Variants in ABCG8 observed in about 807,000 individuals in gnomAD.
The protein encoded by ABCG8 is ATP binding cassette subfamily G member 8.
ABCG8 carries 81 observed loss-of-function variants against 71.3 expected under a neutral mutation model. The ratio of observed to expected loss-of-function variants is 1.14; its 90% CI spans 0.95 to 1.37. The LOEUF is 1.37. Ranked by LOEUF, ABCG8 falls within the 40% of genes most tolerant of loss-of-function variation. ABCG8 has a pLI of 0.00. For synonymous variants in ABCG8, 451 were observed against 354.7 expected (o/e 1.27, Z -3.05); for missense variants, 1,119 against 866.2 (o/e 1.29, Z -3.66).
Position 43,871,995 on chromosome 2 carries a change from C to G in ABCG8, c.984C>G (p.Asp328Glu), listed in dbSNP as rs765369343. The G allele has an allele frequency of 1.9e-6, 3 of 1,614,072 alleles. No individual in the cohort carries two copies. Among genetic ancestry groups the G allele is most frequent in the Admixed American group, 3.3e-5 (2 of 60,026 alleles). Residue 328 changes from aspartate (D) to glutamate (E), a missense_variant, in exon 7 of 13, where the codon GAC becomes GAG. Transcript: ENST00000272286. ...TTGCAGTGGACCTGACCAGCATTGACAGGCGCAGCAGAGAGCAGGAATTGG... is the reference window on the plus strand; with the variant it reads ...TTGCAGTGGACCTGACCAGCATTGAGAGGCGCAGCAGAGAGCAGGAATTGG... ...ADFYVDLTSIDRRSREQELAT... is the reference protein window; with the variant it reads ...ADFYVDLTSIERRSREQELAT...
intron 6 of ABCG8, among the ~76,000 whole-genome samples, chr2:43,866,664 TA>T (rs1384061225): frequency 6.6e-6 from 1 of 152,020 alleles, no homozygotes; most frequent in Non-Finnish European, 1.5e-5. Context: ...TCACACCAGT[TA>T]GAATGGCAAT....
At chr2:43,867,342 A>G (rs911848658) in intron 6 of ABCG8, among the ~76,000 whole-genome samples, 1 of 102,740 alleles carries the variant, frequency 9.7e-6, no homozygotes, top group Non-Finnish European at 1.9e-5. Context: ...AACTTAAAGT[A>G]TAATTAAAAA....
intron 6 of ABCG8, among the ~76,000 whole-genome samples, chr2:43,857,774 A>G (rs1669164342): frequency 6.6e-6 from 1 of 151,270 alleles, no homozygotes; most frequent in Non-Finnish European, 1.5e-5. Flanking sequence ...CCAACTATCT[A>G]TCTGGATATA....
At chr2:43,857,820 C>G (rs1320752114) in intron 6 of ABCG8, among the ~76,000 whole-genome samples, 2 of 151,664 alleles carry the variant, frequency 1.3e-5, no homozygotes, top group South Asian at 4.2e-4. Flanking sequence ...CACTACCTGT[C>G]TAGATACAAT....
chr2:43,862,443 A>T (rs1669359017), intron 6 of ABCG8, among the ~76,000 whole-genome samples: 1 of 150,210 alleles, frequency 6.7e-6, no homozygotes, highest in Non-Finnish European at 1.5e-5. Flanking sequence ...TAGAACTCTC[A>T]CTATCTGAAT....
Position 43,877,552 on chromosome 2 carries a change from T to G in ABCG8, c.1757-9T>G, listed in dbSNP as rs1278484024. 6.2e-7 allele frequency: 1 copy of G among 1,613,706 alleles called. No individual in the cohort carries two copies. Among genetic ancestry groups the G allele is most frequent in the Non-Finnish European group, 8.5e-7 (1 of 1,179,994 alleles). On this transcript the variant is annotated splice_polypyrimidine_tract_variant and intron_variant, in intron 11 of 12. Transcript: ENST00000272286. The stretch of plus-strand genomic sequence containing the variant: ...GACACCTGTGAGTAACGCGGCTGTC[T>G]GTCTCCAGTGCCCGCGTGGATTTCC...
chr2:43,876,798 T>C (rs527765710), intron 11 of ABCG8, among the ~76,000 whole-genome samples: 1 of 145,412 alleles, frequency 6.9e-6, no homozygotes, highest in African/African-American at 2.6e-5. Flanking sequence ...ACCGTGGGAA[T>C]ATGAAGAGAC....
chr2:43,842,655 C>T (rs1244391744), intron 1 of ABCG8, among the ~76,000 whole-genome samples: 2 of 152,236 alleles, frequency 1.3e-5, no homozygotes, highest in East Asian at 1.9e-4. Context: ...CTCATGTACA[C>T]ACCACCAATT....
chr2:43,867,347 TAA>T lies in ABCG8; in HGVS notation c.965-4618_965-4617del, dbSNP rs35927760. Among the ~76,000 whole-genome samples the T allele has an allele frequency of 2.0e-5, 3 of 147,976 alleles. No homozygotes were observed. In the South Asian group the frequency reaches 6.4e-4, roughly 32 times the overall value. ...TGTACCCTAAAACTTAAAGTATAAT[TAA>T]AAAAAAAAAAGAATTCTCACCCTCT... On this transcript the variant is annotated intron_variant, in intron 6 of 12. Transcript: ENST00000272286.
At chr2:43,846,725 TCAGA>T (rs1027461975) in intron 3 of ABCG8, 16 of 288,232 alleles carry the variant, frequency 5.6e-5, no homozygotes, top group African/African-American at 3.5e-4. Context: ...CTCTCACCTC[TCAGA>T]CAGCCTCTCC....
intron 11 of ABCG8, 128 bp downstream of exon 11, chr2:43,875,541 A>G: frequency 8.0e-7 from 1 of 1,248,904 alleles, no homozygotes; most frequent in South Asian, 1.5e-5. Flanking sequence ...CTGGAAGCAG[A>G]GGCCTTTGCC....
At chr2:43,874,279 A>T (rs919336690) in intron 9 of ABCG8, 128 bp from the exon 10 acceptor site, 25 of 664,338 alleles carry the variant, frequency 3.8e-5, no homozygotes, top group African/African-American at 2.1e-4. Flanking sequence ...GTGCCTATTT[A>T]AAAAAAAAAA....
Position 43,851,593 on chromosome 2 carries a change from G to T in ABCG8, c.332G>T (p.Arg111Ile). The T allele has an allele frequency of 6.2e-7, 1 of 1,614,242 alleles. No homozygotes were observed. Among genetic ancestry groups the T allele is most frequent in the Non-Finnish European group, 8.5e-7 (1 of 1,180,046 alleles). The part of the protein sequence containing the change: ...LAIIGSSGCG[R>I]ASLLDVITGR... ...CCTGGTGGCTTTGCAGGTTGTGGGA[G>T]AGCCTCCTTGCTAGATGTGATCACT... The change falls in exon 4 of 13, where the codon AGA (arginine) becomes ATA (isoleucine). Residue 111 changes from arginine to isoleucine, a missense_variant. By Grantham distance (97) the Arg-to-Ile change is moderately conservative. Coordinates refer to ENST00000272286, the MANE Select transcript of ABCG8 (RefSeq NM_022437.3).
chr2:43,858,926 C>T (rs554269238), intron 6 of ABCG8, among the ~76,000 whole-genome samples: 1 of 151,002 alleles, frequency 6.6e-6, no homozygotes, highest in South Asian at 2.1e-4. Flanking sequence ...CTGGATACAA[C>T]TCTCACTGTC....
In ABCG8 at chr2:43,852,659, T is replaced by G. The variant is rs1319111359; in HGVS notation, c.755T>G (p.Val252Gly). ...GACAGCTTCACAGCCCACAACCTGG[T>G]GAAGACCTTGTCCAGGCTGGCCAAA... ...GLDSFTAHNLVKTLSRLAKGN... is the reference protein window; with the variant it reads ...GLDSFTAHNLGKTLSRLAKGN... The change falls in exon 6 of 13, where the codon GTG (valine) becomes GGG (glycine). Residue 252 changes from valine (V) to glycine (G), a missense_variant. Physicochemically the swap from Val to Gly is moderately radical, Grantham distance 109. Coordinates refer to ENST00000272286, the MANE Select transcript of ABCG8 (RefSeq NM_022437.3). 2 of 1,614,190 alleles carry G rather than the reference T, an allele frequency of 1.2e-6. No individual in the cohort carries two copies. Among genetic ancestry groups the G allele is most frequent in the Non-Finnish European group, 1.7e-6 (2 of 1,180,018 alleles).
intron 6 of ABCG8, among the ~76,000 whole-genome samples, chr2:43,861,368 C>A (rs911573365): frequency 1.3e-5 from 2 of 151,244 alleles, no homozygotes; most frequent in East Asian, 3.9e-4. Flanking sequence ...ATAGAATTCT[C>A]ATTCTCTGGA....
At chr2:43,848,635 C>T (rs185735329) in intron 3 of ABCG8, 2 of 152,310 alleles carry the variant, frequency 1.3e-5, no homozygotes, top group East Asian at 3.9e-4. Flanking sequence ...TCATCAACTA[C>T]ACTTCCTGTG....
intron 6 of ABCG8, among the ~76,000 whole-genome samples, chr2:43,863,124 T>C (rs1572850279): frequency 1.3e-5 from 2 of 151,270 alleles, no homozygotes; most frequent in Admixed American, 1.3e-4. Flanking sequence ...GATAGAATTC[T>C]CACTCTCTGG....
At chr2:43,875,487 G>A in intron 11 of ABCG8, 74 bp downstream of exon 11, 1 of 1,550,428 alleles carries the variant, frequency 6.4e-7, no homozygotes, top group Non-Finnish European at 8.7e-7. Context: ...CTTTCATCTG[G>A]AGATGGACAC....
Sources: gnomAD v4.1 joint callset for allele counts (sites outside exome capture counted in the v4.1 genomes callset) on GRCh38, gnomAD v4.1.1 for gene constraint, MANE v1.5 for transcripts, NCBI Gene and HGNC (gene_info 2026-07-23, HGNC 2026-07-21) for gene names.